The following ACADM variants were observed in gnomAD, a reference collection of about 807,000 sequenced individuals.
The protein encoded by ACADM is acyl-CoA dehydrogenase medium chain.
In ACADM, 49 loss-of-function variants were observed where a neutral mutation model predicts 58.9. The ratio of observed to expected loss-of-function variants is 0.83; its 90% CI spans 0.66 to 1.06. The LOEUF is 1.06. Ranked by LOEUF, ACADM falls within the 50% of genes least tolerant of loss-of-function variation. ACADM has a pLI of 0.00. For missense variants in ACADM, 496 were observed against 507.0 expected (o/e 0.98, Z 0.21); for synonymous variants, 160 against 157.7 (o/e 1.01, Z -0.11).
intron 10 of ACADM, among the ~76,000 whole-genome samples, chr1:75,753,427 T>C (rs114332655): frequency 0.013 from 1,904 of 152,030 alleles, 49 homozygotes; most frequent in African/African-American, 0.044. Context: ...TTTTTTTTTT[T>C]CTTAACCAAG....
At chr1:75,749,612 A>G in intron 9 of ACADM, 53 bp downstream of exon 9, 11 of 1,498,202 alleles carry the variant, frequency 7.3e-6, no homozygotes, top group Non-Finnish European at 1.0e-5. Context: ...ATTACATTAA[A>G]TAAGTATTTT....
At chr1:75,741,342 G>A (rs1270908809) in intron 7 of ACADM, among the ~76,000 whole-genome samples, 1 of 152,096 alleles carries the variant, frequency 6.6e-6, no homozygotes, top group Non-Finnish European at 1.5e-5. Flanking sequence ...TCAGTATTAT[G>A]GAGTGCTATA....
In ACADM at chr1:75,763,230, G is replaced by C. The variant is rs1194656372; in HGVS notation, c.*467G>C. 1 of 152,244 alleles carries C rather than the reference G, an allele frequency of 6.6e-6. No homozygotes were observed. The highest frequency in any genetic ancestry group is 1.5e-5 in the Non-Finnish European group (1 of 68,114). The allele number at this position is 152,244 out of a possible 1,614,324, so 9.4% of individuals were successfully genotyped here. ...TTATTGCAGTTTGGAAAGCATTTGT[G>C]AAACTTTCTGTTTGGCACAGAAACA... On this transcript the variant is annotated 3_prime_UTR_variant, in exon 12 of 12. Coordinates refer to ENST00000370841, the MANE Select transcript of ACADM (RefSeq NM_000016.6).
intron 5 of ACADM, 83 bp downstream of exon 5, chr1:75,733,711 A>T (rs866444108): frequency 1.8e-6 from 2 of 1,120,992 alleles, no homozygotes; most frequent in Middle Eastern, 4.0e-4. Flanking sequence ...TTTTTAGAAG[A>T]AAAAAAAAGG....
intron 1 of ACADM, 38 bp downstream of exon 1, chr1:75,724,855 T>A (rs781666604): frequency 1.4e-6 from 2 of 1,410,282 alleles, no homozygotes; most frequent in Non-Finnish European, 1.9e-6. Context: ...GGCTGGAACA[T>A]GGGTATTGTG....
intron 1 of ACADM, among the ~76,000 whole-genome samples, chr1:75,726,366 CAA>C (rs3831899): frequency 7.0e-6 from 1 of 143,146 alleles, no homozygotes; most frequent in Non-Finnish European, 1.5e-5. Flanking sequence ...GAGACTCTGT[CAA>C]AAAAAAAAAA....
At chr1:75,750,721 G>T (rs1648153080) in intron 10 of ACADM, 175 bp downstream of exon 10, 1 of 659,178 alleles carries the variant, frequency 1.5e-6, no homozygotes, top group Non-Finnish European at 2.7e-6. Flanking sequence ...GCCACTATTG[G>T]TTACTTCTGA....
chr1:75,731,278 CAAAAAAAAAAA>C (rs56885972), intron 2 of ACADM, among the ~76,000 whole-genome samples: 6 of 64,932 alleles, frequency 9.2e-5, no homozygotes, highest in East Asian at 6.3e-4. Flanking sequence ...GACTCCGTCT[CAAAAAAAAAAA>C]AAAAAAAAAA....
chr1:75,757,693 A>G (rs921094956), intron 10 of ACADM, among the ~76,000 whole-genome samples: 2 of 152,334 alleles, frequency 1.3e-5, no homozygotes, highest in African/African-American at 4.8e-5. Flanking sequence ...TGACCCAGCA[A>G]TCCCATTGCT....
chr1:75,761,285 C>T lies in ACADM; in HGVS notation c.1109C>T (p.Thr370Ile). The change falls in exon 11 of 12, where the codon ACT (threonine) becomes ATT (isoleucine). Residue 370 changes from threonine to isoleucine, a missense_variant. Coordinates refer to ENST00000370841, the MANE Select transcript of ACADM (RefSeq NM_000016.6). ...GGAGATATTGCAAATCAGTTAGCTA[C>T]TGATGCTGTGCAGATACTTGGAGGC... is the stretch of plus-strand genomic sequence containing the variant. The part of the protein sequence containing the change: ...FAGDIANQLA[T>I]DAVQILGGNG... 1 of 1,614,054 alleles carries T rather than the reference C, an allele frequency of 6.2e-7. No individual in the cohort carries two copies. Among genetic ancestry groups the T allele is most frequent in the African/African-American group, 1.3e-5 (1 of 75,042 alleles).
chr1:75,758,651 C>CA (rs1282302079), intron 10 of ACADM, among the ~76,000 whole-genome samples: 1 of 152,078 alleles, frequency 6.6e-6, no homozygotes, highest in Non-Finnish European at 1.5e-5. Flanking sequence ...GGATTGTAAA[C>CA]ACACCAATCA....
intron 6 of ACADM, among the ~76,000 whole-genome samples, chr1:75,736,150 C>T (rs1455907080): frequency 1.5e-5 from 2 of 133,512 alleles, no homozygotes; most frequent in African/African-American, 6.5e-5. Flanking sequence ...ATTTTTTTAA[C>T]AAGATAAATA....
At chr1:75,735,771 G>C (rs1647240965) in intron 6 of ACADM, among the ~76,000 whole-genome samples, 1 of 151,404 alleles carries the variant, frequency 6.6e-6, no homozygotes, top group African/African-American at 2.4e-5. Context: ...TTGAACCTGG[G>C]AGGCAGAGGT....
intron 8 of ACADM, among the ~76,000 whole-genome samples, chr1:75,746,613 T>G (rs567571946): frequency 6.6e-6 from 1 of 151,790 alleles, no homozygotes; most frequent in East Asian, 1.9e-4. Flanking sequence ...TTTTTTTTTT[T>G]TTTGAGACAG....
At chr1:75,729,586 C>CA (rs769666055) in intron 2 of ACADM, among the ~76,000 whole-genome samples, 75 of 151,774 alleles carry the variant, frequency 4.9e-4, no homozygotes, top group South Asian at 1.0e-3. Context: ...CTCTACCTCC[C>CA]AGGATCAAGC....
chr1:75,763,572 A>T lies in ACADM; in HGVS notation c.*809A>T, dbSNP rs937797613. 6.6e-6 allele frequency: 1 copy of T among 151,928 alleles called. No homozygotes were observed. Among genetic ancestry groups the T allele is most frequent in the African/African-American group, 2.4e-5 (1 of 41,224 alleles). 9.4% of individuals were successfully genotyped at this position (151,928 alleles called of 1,614,324 possible). On this transcript the variant is annotated 3_prime_UTR_variant, in exon 12 of 12. Coordinates refer to ENST00000370841, the MANE Select transcript of ACADM (RefSeq NM_000016.6). ...TATATTTCTTGTATTTACTATGATG[A>T]AAAAAGGTCGTTTTAATTTTGAATT...
At chr1:75,724,936 G>T in intron 1 of ACADM, 119 bp downstream of exon 1, 1 of 1,131,540 alleles carries the variant, frequency 8.8e-7, no homozygotes, top group South Asian at 2.9e-5. Flanking sequence ...GCTGAGGAAG[G>T]AGCCAGCCTA....
rs575969064 is a variant in ACADM at position 75,744,375 on chromosome 1, G to A, written c.600-1431G>A. Reference sequence around the variant, plus strand: ...GTGTGAAAAGCGGAGTGCCTCCTTCGACTTTTCCCCCATCAGGTACGAAAA... The same window carrying A: ...GTGTGAAAAGCGGAGTGCCTCCTTCAACTTTTCCCCCATCAGGTACGAAAA... On this transcript the variant is annotated intron_variant, in intron 7 of 11. Coordinates refer to ENST00000370841, the MANE Select transcript of ACADM (RefSeq NM_000016.6). The A allele has an allele frequency of 4.8e-4, 743 of 1,556,866 alleles. 13 individuals carry two copies. In the South Asian group the frequency reaches 7.0e-3, roughly 15 times the overall value.
chr1:75,762,823 A>G lies in ACADM; in HGVS notation c.*60A>G. On this transcript the variant is annotated 3_prime_UTR_variant, in exon 12 of 12. Transcript: ENST00000370841. ...ACAAGCCACTGTTTCAGCTCCAGAA[A>G]AAAGAAAGGGCTTTAACGTTTTTTC... 1.9e-6 allele frequency: 2 copies of G among 1,074,342 alleles called. No individual in the cohort carries two copies. The highest frequency in any genetic ancestry group is 2.8e-5 in the South Asian group (2 of 72,714). The allele number at this position is 1,074,342 out of a possible 1,614,324, so 66.6% of individuals were successfully genotyped here. A position where few individuals can be genotyped will look rare whatever the true frequency, so the allele number is the denominator to read the frequency against.
Sources: allele counts gnomAD v4.1 joint callset (sites outside exome capture counted in the v4.1 genomes callset), GRCh38; gene constraint gnomAD v4.1.1; transcripts MANE v1.5; gene names NCBI Gene and HGNC (gene_info 2026-07-23, HGNC 2026-07-21).